Variants in GALNTL6 observed in about 807,000 individuals in gnomAD.
GALNTL6 encodes the protein polypeptide N-acetylgalactosaminyltransferase like 6, also known as polypeptide N-acetylgalactosaminyltransferase-like 6.
GALNTL6 carries 46 observed loss-of-function variants against 73.7 expected under a neutral mutation model. The observed-to-expected ratio is 0.62, with a 90% CI of 0.49 to 0.80. GALNTL6 has a LOEUF of 0.80. Among genes scored for constraint, GALNTL6 ranks in the 30% least tolerant of loss-of-function variants. The pLI is 0.00. For missense variants in GALNTL6, 604 were observed against 755.0 expected (o/e 0.80, Z 2.34); for synonymous variants, 259 against 263.7 (o/e 0.98, Z 0.17).
At chr4:172,076,911 G>C (rs934472484) in intron 2 of GALNTL6, among the ~76,000 whole-genome samples, 5 of 152,150 alleles carry the variant, frequency 3.3e-5, no homozygotes, top group African/African-American at 9.7e-5. Flanking sequence ...TTGATTATGA[G>C]GGCAAATTGC....
At chr4:171,932,180 C>T (rs1165903826) in intron 2 of GALNTL6, among the ~76,000 whole-genome samples, 1 of 152,096 alleles carries the variant, frequency 6.6e-6, no homozygotes, top group Non-Finnish European at 1.5e-5. Context: ...ACTATAACTG[C>T]TTTCCAATAG....
chr4:172,010,615 C>T (rs769856369), intron 2 of GALNTL6, among the ~76,000 whole-genome samples: 12 of 151,682 alleles, frequency 7.9e-5, no homozygotes, highest in Non-Finnish European at 1.0e-4. Context: ...TTTAAAGCTG[C>T]TGTGTCTTTC....
chr4:172,990,822 A>G (rs1381254523), intron 10 of GALNTL6, among the ~76,000 whole-genome samples: 3 of 152,256 alleles, frequency 2.0e-5, no homozygotes, highest in Non-Finnish European at 4.4e-5. Context: ...ACTGAGACAT[A>G]TCAGAATTAC....
intron 5 of GALNTL6, among the ~76,000 whole-genome samples, chr4:172,666,332 G>C (rs1176845647): frequency 2.6e-5 from 4 of 152,118 alleles, no homozygotes; most frequent in Non-Finnish European, 5.9e-5. Context: ...TCTTGAAATG[G>C]AGCATGAAAG....
chr4:171,880,729 T>A (rs1193748722), intron 2 of GALNTL6, among the ~76,000 whole-genome samples: 1 of 152,122 alleles, frequency 6.6e-6, no homozygotes, highest in Non-Finnish European at 1.5e-5. Context: ...TAAAGGGAAA[T>A]ATAGGCTTAT....
chr4:172,998,268 C>T (rs1294301649), intron 10 of GALNTL6, among the ~76,000 whole-genome samples: 1 of 152,152 alleles, frequency 6.6e-6, no homozygotes, highest in African/African-American at 2.4e-5. Flanking sequence ...GGTGTGATGG[C>T]TATGAGGCAA....
At chr4:172,179,721 A>C (rs1204887291) in intron 2 of GALNTL6, among the ~76,000 whole-genome samples, 1 of 151,326 alleles carries the variant, frequency 6.6e-6, no homozygotes, top group Non-Finnish European at 1.5e-5. Context: ...TTGGACATGA[A>C]GTCCTTGCCC....
chr4:172,604,532 G>A (rs968245793), intron 5 of GALNTL6, among the ~76,000 whole-genome samples: 4 of 152,098 alleles, frequency 2.6e-5, no homozygotes, highest in Non-Finnish European at 5.9e-5. Context: ...GTATAAAATG[G>A]CGATCTCAAA....
At chr4:171,963,224 C>T (rs1227365512) in intron 2 of GALNTL6, among the ~76,000 whole-genome samples, 1 of 151,978 alleles carries the variant, frequency 6.6e-6, no homozygotes, top group East Asian at 1.9e-4. Flanking sequence ...TTTATTTGTG[C>T]CATTAATGTT....
rs149729804 is a variant in GALNTL6, at chr4:172,822,666, C to T, written c.923+8943C>T. On this transcript the variant is annotated intron_variant, in intron 7 of 12. Coordinates refer to ENST00000506823, the MANE Select transcript of GALNTL6 (RefSeq NM_001034845.3). ...TTCTTCATGCCAACCACCCCTAGAC[C>T]TCCAGTACCACCCAATAGTTAAAGA... Among the ~76,000 whole-genome samples, 346 of 152,262 alleles carry T rather than the reference C, an allele frequency of 2.3e-3. 2 individuals carry two copies. The highest frequency in any genetic ancestry group is 8.0e-3 in the African/African-American group (331 of 41,542).
At chr4:172,838,667 A>C (rs1161628727) in intron 7 of GALNTL6, among the ~76,000 whole-genome samples, 16 of 152,002 alleles carry the variant, frequency 1.1e-4, no homozygotes, top group Admixed American at 7.9e-4. Flanking sequence ...CAAAAATTAG[A>C]CTCAAGTTTA....
intron 2 of GALNTL6, among the ~76,000 whole-genome samples, chr4:172,210,312 T>C (rs564313596): frequency 3.3e-5 from 5 of 152,220 alleles, no homozygotes; most frequent in African/African-American, 1.2e-4. Context: ...TGTTCTCAAC[T>C]AAAGTCTGTA....
intron 2 of GALNTL6, among the ~76,000 whole-genome samples, chr4:171,932,496 A>C (rs907461047): frequency 1.3e-5 from 2 of 152,168 alleles, no homozygotes; most frequent in African/African-American, 4.8e-5. Context: ...CTGAGACTGA[A>C]GCCATTTGGA....
At chr4:172,232,566 G>A (rs946144998) in intron 3 of GALNTL6, among the ~76,000 whole-genome samples, 2 of 152,008 alleles carry the variant, frequency 1.3e-5, no homozygotes, top group African/African-American at 2.4e-5. Flanking sequence ...AGATTTGTAT[G>A]TCTAGAGAAT....
chr4:171,844,252 T>C (rs1354245345), intron 2 of GALNTL6, among the ~76,000 whole-genome samples: 1 of 152,178 alleles, frequency 6.6e-6, no homozygotes, highest in East Asian at 1.9e-4. Context: ...GGGTCATTAT[T>C]ATGTTTTTTA....
At chr4:172,487,343 T>TTTCC (rs1561106917) in intron 5 of GALNTL6, among the ~76,000 whole-genome samples, 49 of 135,042 alleles carry the variant, frequency 3.6e-4, no homozygotes, top group South Asian at 6.8e-4. Context: ...TCTTTCTTTC[T>TTTCC]TTCTTTCTTT....
intron 3 of GALNTL6, among the ~76,000 whole-genome samples, chr4:172,269,833 C>G (rs530049828): frequency 6.6e-6 from 1 of 152,062 alleles, no homozygotes; most frequent in African/African-American, 2.4e-5. Flanking sequence ...CTCACTGCAA[C>G]CTCTGCCTCC....
At chr4:172,473,107 T>G (rs1733111834) in intron 5 of GALNTL6, among the ~76,000 whole-genome samples, 2 of 152,196 alleles carry the variant, frequency 1.3e-5, no homozygotes, top group Admixed American at 1.3e-4. Context: ...CTTTCCCCAC[T>G]ACACCTAACA....
chr4:171,994,704 A>G (rs1395939941), intron 2 of GALNTL6, among the ~76,000 whole-genome samples: 1 of 150,404 alleles, frequency 6.6e-6, no homozygotes, highest in Non-Finnish European at 1.5e-5. Context: ...TTGCTGTGTT[A>G]TTGCTATTGC....
Sources: allele counts gnomAD v4.1 joint callset (sites outside exome capture counted in the v4.1 genomes callset), GRCh38; gene constraint gnomAD v4.1.1; transcripts MANE v1.5; gene names NCBI Gene and HGNC (gene_info 2026-07-23, HGNC 2026-07-21).